The following PRR16 variants were observed in gnomAD, a reference collection of about 807,000 sequenced individuals.
PRR16 encodes proline rich 16, also known as protein Largen.
Under a neutral mutation model 18.2 loss-of-function variants are expected in PRR16, and 6 were observed. That is an observed-to-expected ratio of 0.33 (90% CI 0.18 to 0.65). PRR16 has a LOEUF of 0.65. PRR16 is among the 30% of genes least tolerant of loss of function. The probability of loss-of-function intolerance (pLI) is 0.74; values close to 1 mark genes in which losing one functional copy is unlikely to be tolerated. For synonymous variants in PRR16, 151 were observed against 147.8 expected (o/e 1.02, Z -0.16); for missense variants, 412 against 376.6 (o/e 1.09, Z -0.78).
chr5:120,715,319 T>C, the PRR16 span, among the ~76,000 whole-genome samples: 1 of 152,194 alleles, frequency 6.6e-6, no homozygotes, highest in Non-Finnish European at 1.5e-5. Context: ...CAAAGCACTG[T>C]GGAAAAGTCC....
the PRR16 span, among the ~76,000 whole-genome samples, chr5:120,758,651 ACTCT>A: frequency 6.6e-6 from 1 of 151,298 alleles, no homozygotes; most frequent in African/African-American, 2.4e-5. Context: ...TTTCTCCTGC[ACTCT>A]CTCTCTCCTG....
chr5:120,740,464 A>G, the PRR16 span, among the ~76,000 whole-genome samples: 1 of 150,892 alleles, frequency 6.6e-6, no homozygotes, highest in African/African-American at 2.5e-5. Flanking sequence ...TCTTTTAAAC[A>G]TTTTATTTGA....
intron 1 of PRR16, among the ~76,000 whole-genome samples, chr5:120,675,573 A>G (rs1204386100): frequency 1.3e-5 from 2 of 152,160 alleles, no homozygotes; most frequent in African/African-American, 4.8e-5. Context: ...TTTATAAAAT[A>G]TCTGATTAGA....
chr5:120,555,829 T>TAA (rs367985792), intron 1 of PRR16, among the ~76,000 whole-genome samples: 6,518 of 137,968 alleles, frequency 0.047, 157 homozygotes, highest in African/African-American at 0.061. Context: ...TTTGAGTTTC[T>TAA]AAAAAAAAAA....
chr5:120,759,702 G>A, the PRR16 span, among the ~76,000 whole-genome samples: 1 of 152,070 alleles, frequency 6.6e-6, no homozygotes, highest in African/African-American at 2.4e-5. Context: ...AAAAGTTTTG[G>A]AGATCACAAA....
chr5:120,494,028 T>C (rs1024797367), intron 1 of PRR16, among the ~76,000 whole-genome samples: 1 of 152,178 alleles, frequency 6.6e-6, no homozygotes, highest in Non-Finnish European at 1.5e-5. Flanking sequence ...ATATAAATTT[T>C]TATTTCTCTA....
intron 1 of PRR16, among the ~76,000 whole-genome samples, chr5:120,549,834 G>T (rs188334179): frequency 6.6e-6 from 1 of 151,998 alleles, no homozygotes; most frequent in Admixed American, 6.6e-5. Flanking sequence ...AGACACCTAG[G>T]GATACAATGC....
At chr5:120,725,627 T>G in the PRR16 span, among the ~76,000 whole-genome samples, 2 of 152,034 alleles carry the variant, frequency 1.3e-5, no homozygotes, top group Non-Finnish European at 2.9e-5. Flanking sequence ...AAGTGAGCTA[T>G]AATCATACTA....
At chr5:120,663,964 A>G (rs1177830590) in intron 1 of PRR16, among the ~76,000 whole-genome samples, 2 of 152,128 alleles carry the variant, frequency 1.3e-5, no homozygotes, top group African/African-American at 4.8e-5. Flanking sequence ...AATCAACTAT[A>G]TTCATTAGTA....
At chr5:120,771,870 A>C in the PRR16 span, among the ~76,000 whole-genome samples, 10 of 152,076 alleles carry the variant, frequency 6.6e-5, no homozygotes, top group African/African-American at 2.2e-4. Flanking sequence ...TGTAGCCATT[A>C]AATAATTATA....
intron 1 of PRR16, among the ~76,000 whole-genome samples, chr5:120,536,154 G>A (rs1165848199): frequency 6.6e-6 from 1 of 152,198 alleles, no homozygotes; most frequent in Non-Finnish European, 1.5e-5. Flanking sequence ...GGCATAGTTA[G>A]TTAGCAAATG....
At chr5:120,684,812 A>C (rs936329984) in intron 1 of PRR16, among the ~76,000 whole-genome samples, 1 of 152,140 alleles carries the variant, frequency 6.6e-6, no homozygotes, top group African/African-American at 2.4e-5. Flanking sequence ...TTAGAACTGC[A>C]TTGTCTAAGA....
intron 1 of PRR16, among the ~76,000 whole-genome samples, chr5:120,536,009 C>A (rs1751706207): frequency 6.6e-6 from 1 of 152,168 alleles, no homozygotes; most frequent in Non-Finnish European, 1.5e-5. Flanking sequence ...AGTCTATAGA[C>A]CTTTGCCGAA....
chr5:120,654,487 T>A (rs1401894130), intron 1 of PRR16, among the ~76,000 whole-genome samples: 1 of 151,692 alleles, frequency 6.6e-6, no homozygotes, highest in South Asian at 2.1e-4. Flanking sequence ...CTTTTTTTTT[T>A]AACTTGGTTA....
At chr5:120,763,700 C>G in the PRR16 span, among the ~76,000 whole-genome samples, 2 of 151,894 alleles carry the variant, frequency 1.3e-5, no homozygotes, top group Non-Finnish European at 2.9e-5. Context: ...GGATTTCTTT[C>G]TCTTTGTTCA....
rs112679358 is a variant in PRR16, at chr5:120,673,996, C to T, written c.160-11958C>T. Among the ~76,000 whole-genome samples, 987 of 151,654 alleles carry T rather than the reference C, an allele frequency of 6.5e-3. 19 individuals carry two copies. The highest frequency in any genetic ancestry group is 0.022 in the African/African-American group (919 of 41,330). ...CTACTAAAACATGTGCATTCATCTA[C>T]AGTCTATGTACAAATACTTCCTACA... On this transcript the variant is annotated intron_variant, in intron 1 of 1. Coordinates refer to ENST00000407149, the MANE Select transcript of PRR16 (RefSeq NM_001300783.2).
At chr5:120,743,023 T>C in the PRR16 span, among the ~76,000 whole-genome samples, 1 of 152,204 alleles carries the variant, frequency 6.6e-6, no homozygotes, top group Non-Finnish European at 1.5e-5. Context: ...AAATCTTCCA[T>C]CTAAAAATCT....
At chr5:120,550,023 G>C (rs1752203331) in intron 1 of PRR16, among the ~76,000 whole-genome samples, 1 of 151,994 alleles carries the variant, frequency 6.6e-6, no homozygotes, top group African/African-American at 2.4e-5. Flanking sequence ...GAAGAAATTG[G>C]AGAATGTATC....
the PRR16 span, among the ~76,000 whole-genome samples, chr5:120,735,086 A>G: frequency 6.6e-6 from 1 of 152,154 alleles, no homozygotes; most frequent in African/African-American, 2.4e-5. Flanking sequence ...AACTTTCTTA[A>G]ATACCACATA....
Sources: allele counts gnomAD v4.1 joint callset (sites outside exome capture counted in the v4.1 genomes callset), GRCh38; gene constraint gnomAD v4.1.1; transcripts MANE v1.5; gene names NCBI Gene and HGNC (gene_info 2026-07-23, HGNC 2026-07-21).